CPN1: variants seen among roughly 807,000 people sequenced by gnomAD.
CPN1 encodes carboxypeptidase N catalytic chain.
A neutral mutation model predicts 46.4 loss-of-function variants in CPN1; 37 were observed. The observed-to-expected ratio is 0.80, with a 90% CI of 0.61 to 1.05. The LOEUF is 1.05. CPN1 is among the 50% of genes least tolerant of loss of function. The pLI, the probability that CPN1 is intolerant of heterozygous loss-of-function variation, is 0.00. For missense variants in CPN1, 563 were observed against 602.6 expected, an observed-to-expected ratio of 0.93 and a Z score of 0.69; for synonymous variants, 224 against 235.4, an observed-to-expected ratio of 0.95 and a Z score of 0.44.
Position 100,065,324 on chromosome 10 carries a change from T to C in CPN1, c.623A>G (p.Asn208Ser). The change falls in exon 4 of 9, where the codon AAC becomes AGC. Residue 208 changes from asparagine to serine, a missense_variant. Transcript: ENST00000370418. The part of the protein sequence containing the change: ...RAVIRWMHSF[N>S]FVLSANLHGG... ...GTGGAGATTGGCTGAAAGAACAAAG[T>C]TGAAGGAGTGCATCCACCGGATCAC... 1 of 1,614,108 alleles carries C rather than the reference T, an allele frequency of 6.2e-7. No individual in the cohort carries two copies. The highest frequency in any genetic ancestry group is 1.1e-5 in the South Asian group (1 of 91,078).
chr10:100,042,676 AC>A, intron 8 of CPN1, 103 bp from the exon 9 acceptor site: 2 of 1,439,982 alleles, frequency 1.4e-6, no homozygotes, highest in South Asian at 1.2e-5. Flanking sequence ...TATAGCAGTG[AC>A]CCAGAGAAGC....
intron 8 of CPN1, 112 bp downstream of exon 8, chr10:100,048,646 C>CTGAGAT: frequency 1.2e-6 from 1 of 833,616 alleles, no homozygotes. Flanking sequence ...CTGCAGTGAG[C>CTGAGAT]CACAGTGGTG....
At chr10:100,065,150 C>A in intron 4 of CPN1, 38 bp downstream of exon 4, 1 of 1,600,366 alleles carries the variant, frequency 6.2e-7, no homozygotes, top group Non-Finnish European at 8.5e-7. Context: ...TCCTGAGCCC[C>A]AAGTTCCCCT....
chr10:100,042,222 C>G lies in CPN1; in HGVS notation c.*205G>C. The G allele has an allele frequency of 1.6e-6, 1 of 638,970 alleles. No individual in the cohort carries two copies. Among genetic ancestry groups the G allele is most frequent in the Admixed American group, 2.6e-5 (1 of 38,160 alleles). The allele number at this position is 638,970 out of a possible 1,614,324, so 39.6% of individuals were successfully genotyped here. ...TACAGATGTGAGCCACCACACCCGG[C>G]CACCACATCACCTTTCAATAGATCC... On this transcript the variant is annotated 3_prime_UTR_variant, in exon 9 of 9. Coordinates refer to ENST00000370418, the MANE Select transcript of CPN1 (RefSeq NM_001308.3).
At chr10:100,051,926 C>G (rs752245187) in intron 7 of CPN1, among the ~76,000 whole-genome samples, 1 of 150,676 alleles carries the variant, frequency 6.6e-6, no homozygotes, top group Non-Finnish European at 1.5e-5. Flanking sequence ...TGTTTTGAAA[C>G]AGAGTCTCAC....
intron 3 of CPN1, among the ~76,000 whole-genome samples, chr10:100,068,570 A>G (rs2133442867): frequency 6.6e-6 from 1 of 152,192 alleles, no homozygotes; most frequent in East Asian, 1.9e-4. Flanking sequence ...TTTTGGAGAC[A>G]GGGTCTCTTG....
chr10:100,043,104 A>G (rs912328574), intron 8 of CPN1, among the ~76,000 whole-genome samples: 3 of 149,732 alleles, frequency 2.0e-5, no homozygotes, highest in East Asian at 2.0e-4. Flanking sequence ...AAAAAAAAAA[A>G]AAAAAGAAAA....
At chr10:100,042,614 C>G (rs1318527000) in intron 8 of CPN1, 41 bp from the exon 9 acceptor site, 23 of 1,612,518 alleles carry the variant, frequency 1.4e-5, no homozygotes, top group Non-Finnish European at 1.9e-5. Flanking sequence ...CCGTTTGGAC[C>G]ATCTTTTGCC....
At chr10:100,074,617 A>G (rs981306298) in intron 2 of CPN1, among the ~76,000 whole-genome samples, 19 of 151,998 alleles carry the variant, frequency 1.3e-4, no homozygotes, top group African/African-American at 4.1e-4. Flanking sequence ...GGGTTTCTCC[A>G]TGTTGGTCAG....
At chr10:100,072,861 T>C (rs1289247545) in intron 2 of CPN1, among the ~76,000 whole-genome samples, 1 of 152,206 alleles carries the variant, frequency 6.6e-6, no homozygotes, top group Non-Finnish European at 1.5e-5. Context: ...AAAAGGCTCA[T>C]TCAAAATTGA....
chr10:100,045,454 T>A (rs948892664), intron 8 of CPN1, among the ~76,000 whole-genome samples: 4 of 152,224 alleles, frequency 2.6e-5, no homozygotes, highest in African/African-American at 9.6e-5. Flanking sequence ...TTTACATTAT[T>A]TAGGAGATGG....
At chr10:100,080,999 C>A (rs557089846) in intron 1 of CPN1, among the ~76,000 whole-genome samples, 1 of 152,296 alleles carries the variant, frequency 6.6e-6, no homozygotes, top group East Asian at 1.9e-4. Context: ...TTCCCCTATA[C>A]CCTTCTAAGT....
At chr10:100,042,900 C>A (rs951024895) in intron 8 of CPN1, among the ~76,000 whole-genome samples, 2 of 151,588 alleles carry the variant, frequency 1.3e-5, no homozygotes, top group African/African-American at 4.8e-5. Flanking sequence ...AAGACCACAC[C>A]GGGCAATATG....
intron 1 of CPN1, 94 bp downstream of exon 1, chr10:100,081,309 G>T: frequency 9.6e-7 from 1 of 1,043,950 alleles, no homozygotes; most frequent in Non-Finnish European, 1.5e-6. Flanking sequence ...GTAGGCGGAG[G>T]CGTCCACGGA....
Position 100,075,770 on chromosome 10 carries a change from G to T in CPN1, c.420+141C>A, listed in dbSNP as rs1589479596. 4.2e-6 allele frequency: 4 copies of T among 943,682 alleles called. No homozygotes were observed. In the East Asian group the frequency reaches 1.1e-4, roughly 25 times the overall value. 58.5% of individuals were successfully genotyped at this position (943,682 alleles called of 1,614,324 possible). ...TTCATCCTTTCTTATATTTCTGATG[G>T]ATTTTTTCTCTTGGCCATTTCATCT... On this transcript the variant is annotated intron_variant, in intron 2 of 8. Coordinates refer to ENST00000370418, the MANE Select transcript of CPN1 (RefSeq NM_001308.3).
At chr10:100,044,361 G>T (rs562556985) in intron 8 of CPN1, among the ~76,000 whole-genome samples, 2 of 151,962 alleles carry the variant, frequency 1.3e-5, no homozygotes, top group African/African-American at 4.8e-5. Context: ...CTGGGCCCCG[G>T]AAGATATTTT....
intron 5 of CPN1, among the ~76,000 whole-genome samples, chr10:100,058,354 T>A (rs1433239967): frequency 2.0e-5 from 3 of 152,192 alleles, no homozygotes; most frequent in Non-Finnish European, 4.4e-5. Context: ...AATATTTTGC[T>A]TTCACATCCC....
intron 7 of CPN1, among the ~76,000 whole-genome samples, chr10:100,051,285 T>C (rs540220556): frequency 6.6e-6 from 1 of 152,274 alleles, no homozygotes; most frequent in South Asian, 2.1e-4. Flanking sequence ...GTCTGTAATT[T>C]ACTTTAAAAT....
rs2041280193 is a variant in CPN1, at chr10:100,042,404, AG to A, written c.*22del. 1.9e-6 allele frequency: 3 copies of A among 1,612,468 alleles called. No individual in the cohort carries two copies. Among genetic ancestry groups the A allele is most frequent in the Non-Finnish European group, 1.7e-6 (2 of 1,179,936 alleles). ...GAGAGCAGGAGCAAAGCCTTTCTGA[AG>A]GGTTGCCTGGCACTGTGGGTTTCAG... On this transcript the variant is annotated 3_prime_UTR_variant, in exon 9 of 9. Coordinates refer to ENST00000370418, the MANE Select transcript of CPN1 (RefSeq NM_001308.3).
Sources: allele counts gnomAD v4.1 joint callset (sites outside exome capture counted in the v4.1 genomes callset), GRCh38; gene constraint gnomAD v4.1.1; transcripts MANE v1.5; gene names NCBI Gene and HGNC (gene_info 2026-07-23, HGNC 2026-07-21).